The following TLK2 variants were observed in gnomAD, a reference collection of about 807,000 sequenced individuals.
The protein encoded by TLK2 is tousled like kinase 2.
Under a neutral mutation model 117.3 loss-of-function variants are expected in TLK2, and 6 were observed. The ratio of observed to expected loss-of-function variants is 0.05; its 90% CI spans 0.03 to 0.10. The LOEUF (loss-of-function observed/expected upper bound fraction) is 0.10. Among genes scored for constraint, TLK2 ranks in the 10% least tolerant of loss-of-function variants. The probability of loss-of-function intolerance (pLI) is 1.00; values close to 1 mark genes in which losing one functional copy is unlikely to be tolerated. For synonymous variants in TLK2, 257 were observed against 316.7 expected, an observed-to-expected ratio of 0.81 and a Z score of 2.00; for missense variants, 299 against 901.2, an observed-to-expected ratio of 0.33 and a Z score of 8.56.
chr17:62,542,861 T>C (rs2077635547), intron 7 of TLK2, among the ~76,000 whole-genome samples: 2 of 152,226 alleles, frequency 1.3e-5, no homozygotes, highest in Non-Finnish European at 2.9e-5. Context: ...GCCAAAGTAT[T>C]TTAAAATACA....
chr17:62,608,014 C>T (rs759008598), intron 20 of TLK2, 27 bp from the exon 21 acceptor site: 1 of 1,580,028 alleles, frequency 6.3e-7, no homozygotes, highest in East Asian at 2.2e-5. Context: ...CAGAGGCCTA[C>T]ATTATTTGTT....
intron 7 of TLK2, among the ~76,000 whole-genome samples, chr17:62,542,066 C>T (rs577670198): frequency 6.6e-6 from 1 of 152,284 alleles, no homozygotes; most frequent in Admixed American, 6.5e-5. Context: ...AGGTCATTTC[C>T]TCTTCTATTG....
At chr17:62,551,600 G>T in intron 7 of TLK2, 2 of 152,458 alleles carry the variant, frequency 1.3e-5, no homozygotes, top group African/African-American at 2.4e-5. Flanking sequence ...AGCTACTCGG[G>T]AGGCTGAGGC....
At chr17:62,534,998 T>TCTG (rs2077016147) in intron 6 of TLK2, among the ~76,000 whole-genome samples, 2 of 150,448 alleles carry the variant, frequency 1.3e-5, no homozygotes, top group South Asian at 4.3e-4. Flanking sequence ...AAGCAATTCT[T>TCTG]CTGCCTTAGC....
At chr17:62,553,781 T>C in intron 9 of TLK2, 26 bp downstream of exon 9, 1 of 1,392,090 alleles carries the variant, frequency 7.2e-7, no homozygotes, top group Non-Finnish European at 1.0e-6. Flanking sequence ...TAAGAGATTT[T>C]ATAGCAAGCA....
chr17:62,515,172 C>T (rs1598327778), intron 2 of TLK2, among the ~76,000 whole-genome samples: 1 of 152,108 alleles, frequency 6.6e-6, no homozygotes, highest in Non-Finnish European at 1.5e-5. Context: ...AGGGCTTATC[C>T]ATGTTGTAGA....
intron 15 of TLK2, among the ~76,000 whole-genome samples, chr17:62,583,702 C>T (rs1242281503): frequency 6.6e-6 from 1 of 152,004 alleles, no homozygotes; most frequent in South Asian, 2.1e-4. Context: ...CTCAGCCTCC[C>T]GAGTAGCTGG....
chr17:62,573,384 C>T lies in TLK2; in HGVS notation c.1121+17C>T, dbSNP rs114111597. On this transcript the variant is annotated intron_variant, in intron 12 of 21. Coordinates refer to ENST00000346027, the MANE Select transcript of TLK2 (RefSeq NM_006852.6). ...AAATGAAACGTATGTTCTTTATTGACGTGAACGCTGAGACACCACACCCTG... is the reference window on the plus strand; with the variant it reads ...AAATGAAACGTATGTTCTTTATTGATGTGAACGCTGAGACACCACACCCTG... 9.6e-4 allele frequency: 1,546 copies of T among 1,612,712 alleles called. 8 individuals carry two copies. The African/African-American group carries it at 0.018, about 19-fold the overall frequency.
chr17:62,573,094 T>G, intron 11 of TLK2, 121 bp from the exon 12 acceptor site: 1 of 1,113,466 alleles, frequency 9.0e-7, no homozygotes, highest in Non-Finnish European at 1.3e-6. Context: ...AAATCTCTAC[T>G]TGACTTAAAG....
intron 15 of TLK2, among the ~76,000 whole-genome samples, chr17:62,584,682 T>C (rs962762207): frequency 2.0e-5 from 3 of 152,186 alleles, no homozygotes; most frequent in African/African-American, 7.2e-5. Context: ...TGTTGCAATT[T>C]TTGTGAAATA....
chr17:62,576,201 C>T (rs777790706), intron 12 of TLK2, among the ~76,000 whole-genome samples: 3 of 152,234 alleles, frequency 2.0e-5, no homozygotes, highest in Admixed American at 6.5e-5. Context: ...AATTTGCTTG[C>T]GCAAGGTCAC....
rs577310029 is a variant in TLK2 at position 62,498,531 on chromosome 17, A to G, written c.81+17325A>G. On this transcript the variant is annotated intron_variant, in intron 2 of 21. Transcript: ENST00000346027. ...CAGCTTCCCAAATAGCTGGGATTAC[A>G]GGTGTGCGCCACCACACCCAGCTAA... is the stretch of plus-strand genomic sequence containing the variant. 1.6e-4 allele frequency among the ~76,000 whole-genome samples: 25 copies of G among 151,940 alleles called. No homozygotes were observed. In the South Asian group the frequency reaches 4.4e-3, roughly 27 times the overall value.
intron 6 of TLK2, 24 bp from the exon 7 acceptor site, chr17:62,536,144 TTG>T: frequency 6.2e-7 from 1 of 1,602,366 alleles, no homozygotes; most frequent in South Asian, 1.1e-5. Context: ...CTCATGTCAT[TTG>T]TGTGTTTCTT....
At chr17:62,581,289 C>G (rs573650575) in intron 15 of TLK2, among the ~76,000 whole-genome samples, 3 of 152,298 alleles carry the variant, frequency 2.0e-5, no homozygotes, top group African/African-American at 7.2e-5. Flanking sequence ...AGGTGTGAGA[C>G]ACTGCACCCA....
At chr17:62,537,938 G>A (rs1469361245) in intron 7 of TLK2, among the ~76,000 whole-genome samples, 2 of 151,308 alleles carry the variant, frequency 1.3e-5, no homozygotes, top group South Asian at 4.2e-4. Context: ...TGAGAATGCA[G>A]TATGCTATAG....
At position 62,541,860 on chromosome 17, in the gene TLK2, G is replaced by C. The variant is rs12103484; in HGVS notation, c.531+5523G>C. Among the ~76,000 whole-genome samples the C allele has an allele frequency of 5.5e-3, 835 of 152,168 alleles. 6 individuals carry two copies. The highest frequency in any genetic ancestry group is 0.018 in the African/African-American group (766 of 41,512). On this transcript the variant is annotated intron_variant, in intron 7 of 21. Transcript: ENST00000346027. Reference sequence around the variant, plus strand: ...CAGTCTCAAAGAAAAAAAAAAATTAGTATTTGGACTCACAGTCTAGTGCTC... The same window carrying C: ...CAGTCTCAAAGAAAAAAAAAAATTACTATTTGGACTCACAGTCTAGTGCTC...
intron 2 of TLK2, among the ~76,000 whole-genome samples, chr17:62,517,595 C>T (rs952914583): frequency 5.3e-5 from 8 of 151,800 alleles, no homozygotes; most frequent in Middle Eastern, 3.5e-3. Context: ...GGGGTTTCAC[C>T]GTGGTCTCGA....
At chr17:62,571,793 A>G (rs1481176526) in intron 11 of TLK2, among the ~76,000 whole-genome samples, 1 of 152,180 alleles carries the variant, frequency 6.6e-6, no homozygotes, top group East Asian at 1.9e-4. Flanking sequence ...CACGAAAGAT[A>G]CTGTACTGAA....
intron 6 of TLK2, among the ~76,000 whole-genome samples, chr17:62,527,847 A>AT (rs1400860694): frequency 6.6e-6 from 1 of 151,690 alleles, no homozygotes; most frequent in Non-Finnish European, 1.5e-5. Context: ...GTTTCAAGCG[A>AT]TTCTCCTGCC....
Sources: allele counts gnomAD v4.1 joint callset (sites outside exome capture counted in the v4.1 genomes callset), GRCh38; gene constraint gnomAD v4.1.1; transcripts MANE v1.5; gene names NCBI Gene and HGNC (gene_info 2026-07-23, HGNC 2026-07-21).